Variants in SLC38A8 observed in about 807,000 individuals in gnomAD.
The protein encoded by SLC38A8 is amino acid transporter SLC38A8.
A neutral mutation model predicts 46.0 loss-of-function variants in SLC38A8; 65 were observed. The observed-to-expected ratio is 1.41, with a 90% CI of 1.16 to 1.74. The LOEUF (loss-of-function observed/expected upper bound fraction) is 1.74, where lower values mean the gene tolerates loss of function less well. Among genes scored for constraint, SLC38A8 ranks in the 40% most tolerant of loss-of-function variants. The probability of loss-of-function intolerance (pLI) is 0.00; values close to 1 mark genes in which losing one functional copy is unlikely to be tolerated. For missense variants in SLC38A8, 998 were observed against 567.9 expected, an observed-to-expected ratio of 1.76 and a Z score of -7.70; for synonymous variants, 447 against 243.7, an observed-to-expected ratio of 1.83 and a Z score of -7.77.
In SLC38A8 at chr16:84,033,395, G is replaced by C. The variant is rs1349143835; in HGVS notation, c.463C>G (p.Leu155Val). The change falls in exon 4 of 11, where the codon CTG becomes GTG. Residue 155 changes from leucine (L) to valine (V), a missense_variant. Transcript: ENST00000299709. The stretch of plus-strand genomic sequence containing the variant: ...GGCAGGATGACCAGCACGGAGAGCA[G>C]GGGCAGGGTGAAGCGCTGGTCTGCG... ...WYADQRFTLPLLSVLVILPLS... is the reference protein window; with the variant it reads ...WYADQRFTLPVLSVLVILPLS... The C allele has an allele frequency of 1.7e-5, 27 of 1,614,010 alleles. No individual in the cohort carries two copies. Among genetic ancestry groups the C allele is most frequent in the Non-Finnish European group, 2.3e-5 (27 of 1,179,974 alleles).
chr16:84,017,080 A>T (rs2085037114), intron 8 of SLC38A8, 60 bp downstream of exon 8: 1 of 1,596,294 alleles, frequency 6.3e-7, no homozygotes, highest in Non-Finnish European at 8.5e-7. Context: ...GTACATGCTC[A>T]ATCACAGCAC....
intron 7 of SLC38A8, among the ~76,000 whole-genome samples, chr16:84,022,240 C>A (rs948030639): frequency 6.6e-6 from 1 of 152,332 alleles, no homozygotes; most frequent in Non-Finnish European, 1.5e-5. Flanking sequence ...GTCAAGTGGC[C>A]AACCAGAAGC....
At chr16:84,034,239 C>T (rs1416343378) in intron 3 of SLC38A8, among the ~76,000 whole-genome samples, 1 of 152,254 alleles carries the variant, frequency 6.6e-6, no homozygotes, top group Admixed American at 6.5e-5. Context: ...CTCTTAAAGG[C>T]CAGACCCAGA....
intron 9 of SLC38A8, among the ~76,000 whole-genome samples, chr16:84,013,422 G>GTTCTTTTTTGTTGT (rs369454720): frequency 3.7e-5 from 4 of 108,718 alleles, no homozygotes; most frequent in African/African-American, 1.6e-4. Flanking sequence ...TGTTGTGTGT[G>GTTCTTTTTTGTTGT]TGTTTTTTTT....
At chr16:84,017,414 G>A in intron 7 of SLC38A8, 127 bp from the exon 8 acceptor site, 4 of 1,129,250 alleles carry the variant, frequency 3.5e-6, no homozygotes, top group East Asian at 2.5e-5. Context: ...AGAAGGTTCT[G>A]GAAGGGATAG....
intron 6 of SLC38A8, among the ~76,000 whole-genome samples, chr16:84,029,049 T>G (rs1345505575): frequency 6.6e-6 from 1 of 152,034 alleles, no homozygotes; most frequent in Non-Finnish European, 1.5e-5. Context: ...CCTGTACCCC[T>G]CAGGAGGCAG....
At chr16:84,012,664 T>G (rs767982726) in intron 10 of SLC38A8, among the ~76,000 whole-genome samples, 5 of 152,214 alleles carry the variant, frequency 3.3e-5, no homozygotes, top group Non-Finnish European at 7.3e-5. Context: ...TAACCCAGCC[T>G]GCACCCTGAT....
intron 6 of SLC38A8, among the ~76,000 whole-genome samples, chr16:84,026,897 C>G (rs945327217): frequency 1.3e-5 from 2 of 152,174 alleles, no homozygotes; most frequent in African/African-American, 2.4e-5. Context: ...TGGAGAGTGA[C>G]TGACGGCGAT....
upstream of SLC38A8, among the ~76,000 whole-genome samples, chr16:84,043,308 G>C (rs2085387389): frequency 6.6e-6 from 1 of 152,168 alleles, no homozygotes; most frequent in South Asian, 2.1e-4. Flanking sequence ...CCCCATTCCG[G>C]AAAATGCTGG....
intron 2 of SLC38A8, among the ~76,000 whole-genome samples, chr16:84,040,323 G>A (rs1159542666): frequency 6.6e-6 from 1 of 152,148 alleles, no homozygotes; most frequent in African/African-American, 2.4e-5. Flanking sequence ...TTCACCTCAG[G>A]GTTCCCTTCT....
At chr16:84,040,618 G>C (rs1039736511) in intron 2 of SLC38A8, among the ~76,000 whole-genome samples, 1 of 152,192 alleles carries the variant, frequency 6.6e-6, no homozygotes, top group Non-Finnish European at 1.5e-5. Context: ...CCTCACTGCT[G>C]TAATGGCAGG....
At chr16:84,037,736 G>T (rs2085317089) in intron 2 of SLC38A8, among the ~76,000 whole-genome samples, 1 of 150,104 alleles carries the variant, frequency 6.7e-6, no homozygotes, top group African/African-American at 2.5e-5. Flanking sequence ...ACTCCAGCCT[G>T]GGGGATACAG....
At chr16:84,023,047 C>G (rs1236699518) in intron 6 of SLC38A8, among the ~76,000 whole-genome samples, 158 bp from the exon 7 acceptor site, 6 of 152,146 alleles carry the variant, frequency 3.9e-5, no homozygotes, top group Non-Finnish European at 7.3e-5. Context: ...CAGTACACCC[C>G]CAACCCCTCT....
intron 6 of SLC38A8, among the ~76,000 whole-genome samples, chr16:84,028,517 G>C (rs556388186): frequency 6.7e-6 from 1 of 149,494 alleles, no homozygotes; most frequent in African/African-American, 2.5e-5. Flanking sequence ...AGTGAGCTGA[G>C]ATCCACTACA....
intron 6 of SLC38A8, among the ~76,000 whole-genome samples, chr16:84,024,944 G>T (rs960255394): frequency 6.6e-6 from 1 of 152,142 alleles, no homozygotes; most frequent in Non-Finnish European, 1.5e-5. Context: ...GCCTCGCAAA[G>T]TGCTGGGATT....
At chr16:84,011,047 C>T in intron 10 of SLC38A8, among the ~76,000 whole-genome samples, 1 of 152,134 alleles carries the variant, frequency 6.6e-6, no homozygotes, top group East Asian at 1.9e-4. Flanking sequence ...ATATTTGTGG[C>T]CCCATTAACA....
In SLC38A8 at chr16:84,036,935, T is replaced by G. The variant is rs934872427; in HGVS notation, c.190-35A>C. ...AGGAGCAGGACCTGGAACTGGGGTG[T>G]GCCCACAGCCCACCCACCCCCAGCC... On this transcript the variant is annotated intron_variant, in intron 2 of 10. Transcript: ENST00000299709. The G allele has an allele frequency of 3.8e-6, 6 of 1,568,626 alleles. No individual in the cohort carries two copies. The South Asian group carries it at 7.0e-5, about 18-fold the overall frequency.
At chr16:84,022,971 G>C in intron 6 of SLC38A8, 82 bp from the exon 7 acceptor site, 1 of 915,482 alleles carries the variant, frequency 1.1e-6, no homozygotes, top group Non-Finnish European at 1.6e-6. Context: ...TCCAAAAGGC[G>C]GGAAATGTGG....
chr16:84,009,908 T>C (rs753807292), intron 10 of SLC38A8, 31 bp from the exon 11 acceptor site: 2 of 1,598,570 alleles, frequency 1.3e-6, no homozygotes, highest in Admixed American at 3.5e-5. Flanking sequence ...TGTCAGAGCT[T>C]TTCTGGATTT....
Sources: allele counts gnomAD v4.1 joint callset (sites outside exome capture counted in the v4.1 genomes callset), GRCh38; gene constraint gnomAD v4.1.1; transcripts MANE v1.5; gene names NCBI Gene and HGNC (gene_info 2026-07-23, HGNC 2026-07-21).